PDS5A: variants seen among roughly 807,000 people sequenced by gnomAD.
The protein encoded by PDS5A is sister chromatid cohesion protein PDS5 homolog A.
A neutral mutation model predicts 167.1 loss-of-function variants in PDS5A; 42 were observed. The ratio of observed to expected loss-of-function variants is 0.25; its 90% CI spans 0.20 to 0.33. PDS5A has a LOEUF of 0.33. Among genes scored for constraint, PDS5A ranks in the 10% least tolerant of loss-of-function variants. PDS5A has a pLI of 1.00. For synonymous variants in PDS5A, 553 were observed against 554.6 expected (o/e 1.00, Z 0.04); for missense variants, 1,033 against 1,605.9 (o/e 0.64, Z 6.10).
intron 18 of PDS5A, 65 bp downstream of exon 18, chr4:39,879,663 T>C (rs1578657577): frequency 1.1e-6 from 1 of 886,430 alleles, no homozygotes. Context: ...CTCTTGCATA[T>C]CCTGAAGGGA....
chr4:39,976,069 C>A (rs1383481331), intron 2 of PDS5A: 6 of 157,188 alleles, frequency 3.8e-5, no homozygotes, highest in African/African-American at 7.2e-5. Context: ...AAGGACTTTG[C>A]GCTTTAATCA....
At chr4:39,903,060 CTAT>C in intron 12 of PDS5A, among the ~76,000 whole-genome samples, 1 of 141,246 alleles carries the variant, frequency 7.1e-6, no homozygotes, top group East Asian at 2.4e-4. Flanking sequence ...GCTGTTCCGC[CTAT>C]TCTTCTTCAG....
At chr4:39,923,080 G>A (rs1725139242) in intron 5 of PDS5A, among the ~76,000 whole-genome samples, 1 of 151,948 alleles carries the variant, frequency 6.6e-6, no homozygotes, top group Non-Finnish European at 1.5e-5. Context: ...TGTAATCCCA[G>A]CACTTTGGGA....
intron 31 of PDS5A, among the ~76,000 whole-genome samples, chr4:39,839,759 G>T (rs924937764): frequency 6.8e-6 from 1 of 148,046 alleles, no homozygotes; most frequent in Non-Finnish European, 1.5e-5. Context: ...GATTCTGGGG[G>T]GGGGGGGCAG....
chr4:39,880,463 G>A (rs1184333546), intron 17 of PDS5A, among the ~76,000 whole-genome samples: 1 of 152,082 alleles, frequency 6.6e-6, no homozygotes, highest in Non-Finnish European at 1.5e-5. Context: ...ACTATTTTAA[G>A]TAAAAACAAA....
chr4:39,930,259 TTTG>T lies in PDS5A; in HGVS notation c.139-2098_139-2096del, dbSNP rs1278562858. ...AAAAAAAAAAAAAGTTTTTTTGTTT[TTTG>T]TTTTTTTTTTTTAAGAGACAGGGTT... On this transcript the variant is annotated intron_variant, in intron 2 of 32. Coordinates refer to ENST00000303538, the MANE Select transcript of PDS5A (RefSeq NM_001100399.2). Among the ~76,000 whole-genome samples the T allele has an allele frequency of 1.7e-4, 22 of 133,164 alleles. 1 individual carries two copies. The highest frequency in any genetic ancestry group is 5.2e-5 in the African/African-American group (2 of 38,576). The allele number at this position is 133,164 out of a possible 152,430, so 87.4% of individuals were successfully genotyped here.
intron 2 of PDS5A, among the ~76,000 whole-genome samples, chr4:39,929,960 A>G (rs1161608596): frequency 6.6e-6 from 1 of 151,176 alleles, no homozygotes; most frequent in East Asian, 1.9e-4. Flanking sequence ...TCATGCCTGT[A>G]ATCCCAGCAC....
intron 32 of PDS5A, among the ~76,000 whole-genome samples, chr4:39,834,953 C>T (rs968971279): frequency 1.3e-5 from 2 of 152,096 alleles, no homozygotes; most frequent in Non-Finnish European, 2.9e-5. Context: ...ACATCATGCC[C>T]GACTAATTTT....
intron 2 of PDS5A, among the ~76,000 whole-genome samples, chr4:39,954,696 A>C (rs1331856167): frequency 1.3e-5 from 2 of 151,148 alleles, no homozygotes; most frequent in East Asian, 1.9e-4. Flanking sequence ...AAAAAAAAAA[A>C]ACAGAAACAG....
chr4:39,927,953 G>C lies in PDS5A; in HGVS notation c.342+8C>G. The C allele has an allele frequency of 6.3e-7, 1 of 1,591,984 alleles. No individual in the cohort carries two copies. Among genetic ancestry groups the C allele is most frequent in the Non-Finnish European group, 8.6e-7 (1 of 1,160,018 alleles). On this transcript the variant is annotated splice_region_variant and intron_variant, in intron 3 of 32. Transcript: ENST00000303538. ...AAAATACAATAAAGTGAAAAAGGCTGTATTTACCTTAAGTTTATCATGGGA... is the reference window on the plus strand; with the variant it reads ...AAAATACAATAAAGTGAAAAAGGCTCTATTTACCTTAAGTTTATCATGGGA...
intron 8 of PDS5A, among the ~76,000 whole-genome samples, chr4:39,915,126 A>C (rs1198012110): frequency 6.6e-6 from 1 of 151,512 alleles, no homozygotes; most frequent in African/African-American, 2.4e-5. Context: ...GCAGCCTTGA[A>C]CTCCTGGGCT....
chr4:39,871,556 T>C (rs1411863758), intron 21 of PDS5A, among the ~76,000 whole-genome samples: 1 of 152,144 alleles, frequency 6.6e-6, no homozygotes, highest in African/African-American at 2.4e-5. Flanking sequence ...TACCGAAACA[T>C]GTGAGAGTTA....
At chr4:39,835,912 G>A (rs942781032) in intron 32 of PDS5A, among the ~76,000 whole-genome samples, 1 of 152,166 alleles carries the variant, frequency 6.6e-6, no homozygotes, top group Non-Finnish European at 1.5e-5. Flanking sequence ...TGTGTGTGAT[G>A]ATTAGTACTT....
At position 39,874,384 on chromosome 4, in the gene PDS5A, C is replaced by T. The variant is rs1720295231; in HGVS notation, c.2182G>A (p.Ala728Thr). ...GCTTGGTGTGGAGTACCCCTCTTTG[C>T]TTTTTGATGTAAAATGGGAATTAAG... ...STLIPILHQK[A>T]KRGTPHQAKQ... The change falls in exon 20 of 33, where the codon GCA (alanine) becomes ACA (threonine). Residue 728 changes from alanine (A) to threonine (T), a missense_variant. By Grantham distance (58) the Ala-to-Thr change is moderately conservative. Coordinates refer to ENST00000303538, the MANE Select transcript of PDS5A (RefSeq NM_001100399.2). 6.2e-7 allele frequency: 1 copy of T among 1,612,830 alleles called. No individual in the cohort carries two copies. The highest frequency in any genetic ancestry group is 8.5e-7 in the Non-Finnish European group (1 of 1,179,026).
At chr4:39,929,519 CTA>C (rs58069502) in intron 2 of PDS5A, among the ~76,000 whole-genome samples, 5,422 of 78,294 alleles carry the variant, frequency 0.069, 176 homozygotes, top group Non-Finnish European at 0.082. Flanking sequence ...ACTTAATAAA[CTA>C]TATATATATA....
At chr4:39,840,187 G>A (rs776255280) in intron 31 of PDS5A, among the ~76,000 whole-genome samples, 1 of 152,138 alleles carries the variant, frequency 6.6e-6, no homozygotes, top group Non-Finnish European at 1.5e-5. Flanking sequence ...CACTTAGCCA[G>A]TGAGTGGCAG....
At chr4:39,928,233 TAAA>T in intron 2 of PDS5A, 69 bp from the exon 3 acceptor site, 3 of 814,798 alleles carry the variant, frequency 3.7e-6, no homozygotes, top group Non-Finnish European at 5.4e-6. Context: ...GGATGTGATT[TAAA>T]AAAAAAAAAG....
chr4:39,842,016 T>C lies in PDS5A; in HGVS notation c.3589A>G (p.Asn1197Asp). 1 of 1,609,918 alleles carries C rather than the reference T, an allele frequency of 6.2e-7. No individual in the cohort carries two copies. The highest frequency in any genetic ancestry group is 1.3e-5 in the African/African-American group (1 of 74,980). The change falls in exon 31 of 33, where the codon AAT (asparagine) becomes GAT (aspartate). Residue 1197 changes from asparagine (N) to aspartate (D), a missense_variant. Around this residue, in one of 4 missense-constraint regions of PDS5A, gnomAD observed 233 missense variants for 264.0 expected, o/e 0.88. Transcript: ENST00000303538. ...ATAATCCTCACAGGGTTCTCTTCATTTTCACTAACTCCAGTTTCTGCTGCC... is the reference window on the plus strand; with the variant it reads ...ATAATCCTCACAGGGTTCTCTTCATCTTCACTAACTCCAGTTTCTGCTGCC... ...SEAAETGVSE[N>D]EENPVRIISV...
At chr4:39,881,812 C>T (rs1197168526) in intron 17 of PDS5A, among the ~76,000 whole-genome samples, 2 of 152,156 alleles carry the variant, frequency 1.3e-5, no homozygotes, top group African/African-American at 4.8e-5. Flanking sequence ...TGGCTGTGTC[C>T]CCACTCAAAT....
Sources: allele counts gnomAD v4.1 joint callset (sites outside exome capture counted in the v4.1 genomes callset), GRCh38; gene constraint gnomAD v4.1.1; regional missense constraint gnomAD v4.1.1; transcripts MANE v1.5; gene names NCBI Gene and HGNC (gene_info 2026-07-23, HGNC 2026-07-21).